Variants in SLCO1B3 observed in about 807,000 individuals in gnomAD.
The protein encoded by SLCO1B3 is liver-specific organic anion transporter 2.
A neutral mutation model predicts 71.8 loss-of-function variants in SLCO1B3; 72 were observed. That is an observed-to-expected ratio of 1.00 (90% CI 0.83 to 1.22). The LOEUF is 1.22. Among genes scored for constraint, SLCO1B3 ranks in the 50% most tolerant of loss-of-function variants. The pLI is 0.00. For synonymous variants in SLCO1B3, 298 were observed against 278.4 expected, an observed-to-expected ratio of 1.07 and a Z score of -0.70; for missense variants, 911 against 819.7, an observed-to-expected ratio of 1.11 and a Z score of -1.36.
At chr12:20,851,267 C>G (rs1865021824) in intron 3 of SLCO1B3, among the ~76,000 whole-genome samples, 1 of 152,104 alleles carries the variant, frequency 6.6e-6, no homozygotes, top group South Asian at 2.1e-4. Flanking sequence ...ATGATGGCAG[C>G]ACTATTTTAC....
intron 14 of SLCO1B3, among the ~76,000 whole-genome samples, chr12:20,900,648 A>G (rs182531935): frequency 2.1e-3 from 324 of 152,296 alleles, no homozygotes; most frequent in Middle Eastern, 6.8e-3. Context: ...AAATTTAGCA[A>G]CGGAGACCCT....
chr12:20,862,132 T>A (rs536563644), intron 6 of SLCO1B3, among the ~76,000 whole-genome samples: 10 of 152,250 alleles, frequency 6.6e-5, no homozygotes, highest in African/African-American at 1.9e-4. Flanking sequence ...AAATATGTAA[T>A]GTACATAAGG....
At chr12:20,845,071 T>C in intron 3 of SLCO1B3, 1 of 377,630 alleles carries the variant, frequency 2.6e-6, no homozygotes, top group Admixed American at 3.0e-5. Flanking sequence ...CCCTCTAAGT[T>C]TCAGAGATGG....
chr12:20,911,648 T>A (rs1866378904), intron 15 of SLCO1B3, among the ~76,000 whole-genome samples: 1 of 152,220 alleles, frequency 6.6e-6, no homozygotes, highest in Non-Finnish European at 1.5e-5. Context: ...CTGTTTCTTC[T>A]TGTGTGAATT....
chr12:20,916,303 C>G lies in SLCO1B3; in HGVS notation c.*56C>G. 2 of 1,520,142 alleles carry G rather than the reference C, an allele frequency of 1.3e-6. No homozygotes were observed. The highest frequency in any genetic ancestry group is 1.8e-5 in the Admixed American group (1 of 55,472). The allele number at this position is 1,520,142 out of a possible 1,614,324, so 94.2% of individuals were successfully genotyped here. On this transcript the variant is annotated 3_prime_UTR_variant, in exon 16 of 16. Transcript: ENST00000381545. ...TGAGGTGTTCCTGGTCTTTCACTGA[C>G]AATTCCAACATTCTTTACTTACAGT...
chr12:20,881,060 A>G, intron 12 of SLCO1B3, 40 bp downstream of exon 12: 4 of 1,400,222 alleles, frequency 2.9e-6, no homozygotes, highest in South Asian at 2.6e-5. Context: ...TCCTTAATCA[A>G]AATCACAGAT....
Position 20,883,581 on chromosome 12 carries a change from C to T in SLCO1B3, c.1661C>T (p.Thr554Ile), listed in dbSNP as rs1441856659. 6.3e-7 allele frequency: 1 copy of T among 1,591,736 alleles called. No homozygotes were observed. The highest frequency in any genetic ancestry group is 1.8e-5 in the Admixed American group (1 of 55,316). ...TTGTTCTCTGCAACAGGAGGTACCA[C>T]ATTTATCTTGTTGACTGTGAAGTAA... ...NSLFSATGGT[T>I]FILLTVKIVQ... Residue 554 changes from threonine to isoleucine, a missense_variant, in exon 13 of 16, where the codon ACA (threonine) becomes ATA (isoleucine). Coordinates refer to ENST00000381545, the MANE Select transcript of SLCO1B3 (RefSeq NM_019844.4).
chr12:20,901,150 A>G (rs938660679), intron 14 of SLCO1B3, among the ~76,000 whole-genome samples, 200 bp from the exon 15 acceptor site: 1 of 152,198 alleles, frequency 6.6e-6, no homozygotes, highest in African/African-American at 2.4e-5. Context: ...TAGATCAAAT[A>G]CATCTGTGAC....
At chr12:20,812,369 G>A (rs950723612) in intron 1 of SLCO1B3, among the ~76,000 whole-genome samples, 2 of 147,140 alleles carry the variant, frequency 1.4e-5, no homozygotes, top group East Asian at 2.0e-4. Flanking sequence ...ATTCGGGTAT[G>A]TTCTCCAGTG....
intron 4 of SLCO1B3, among the ~76,000 whole-genome samples, chr12:20,856,741 A>G (rs1865147889): frequency 6.6e-6 from 1 of 152,068 alleles, no homozygotes; most frequent in South Asian, 2.1e-4. Context: ...CGTATTTTTA[A>G]GTGGAGACAG....
chr12:20,813,594 G>C lies in SLCO1B3; in HGVS notation c.-110G>C, dbSNP rs1864142657. Reference sequence around the variant, plus strand: ...CATAGCCCTGAAGTGTTGTCCCGTTGTTCCCACCTCCTAGAGGGCCTGACA... The same window carrying C: ...CATAGCCCTGAAGTGTTGTCCCGTTCTTCCCACCTCCTAGAGGGCCTGACA... On this transcript the variant is annotated 5_prime_UTR_variant, in exon 2 of 16. Coordinates refer to ENST00000381545, the MANE Select transcript of SLCO1B3 (RefSeq NM_019844.4). The C allele has an allele frequency of 6.6e-6, 1 of 152,114 alleles. No individual in the cohort carries two copies. The highest frequency in any genetic ancestry group is 6.5e-5 in the Admixed American group (1 of 15,268). The allele number at this position is 152,114 out of a possible 1,614,324, so 9.4% of individuals were successfully genotyped here. A position where few individuals can be genotyped will look rare whatever the true frequency, so the allele number is the denominator to read the frequency against.
intron 8 of SLCO1B3, among the ~76,000 whole-genome samples, chr12:20,865,921 T>G (rs7309891): frequency 6.6e-6 from 1 of 151,864 alleles, no homozygotes; most frequent in East Asian, 1.9e-4. Context: ...AATTCTGTAA[T>G]CATCTCCTGT....
chr12:20,908,958 G>T (rs1240247513), intron 15 of SLCO1B3, among the ~76,000 whole-genome samples: 1 of 152,090 alleles, frequency 6.6e-6, no homozygotes, highest in Non-Finnish European at 1.5e-5. Flanking sequence ...ATAAGAAATT[G>T]TCAGACTGGC....
At chr12:20,860,296 CT>C (rs1223609727) in intron 5 of SLCO1B3, among the ~76,000 whole-genome samples, 1 of 152,052 alleles carries the variant, frequency 6.6e-6, no homozygotes, top group African/African-American at 2.4e-5. Flanking sequence ...AACCCAGGAC[CT>C]TGTATATTAA....
chr12:20,898,557 A>G, intron 14 of SLCO1B3, 57 bp downstream of exon 14: 1 of 769,768 alleles, frequency 1.3e-6, no homozygotes, highest in Non-Finnish European at 2.1e-6. Flanking sequence ...GTTAAATACT[A>G]AAGACTGAAT....
intron 3 of SLCO1B3, among the ~76,000 whole-genome samples, chr12:20,847,862 G>A (rs1290427594): frequency 6.6e-6 from 1 of 151,972 alleles, no homozygotes; most frequent in African/African-American, 2.4e-5. Context: ...CCACAAATTT[G>A]ATGAAAGACA....
chr12:20,828,974 C>T (rs1864485024), intron 3 of SLCO1B3, among the ~76,000 whole-genome samples: 1 of 125,162 alleles, frequency 8.0e-6, no homozygotes, highest in African/African-American at 2.9e-5. Context: ...TAATTTTTTC[C>T]TTTTGCTGGT....
At chr12:20,869,851 G>C (rs2121277201) in intron 8 of SLCO1B3, among the ~76,000 whole-genome samples, 1 of 152,206 alleles carries the variant, frequency 6.6e-6, no homozygotes. Flanking sequence ...TATACACCTA[G>C]AAGTGAGATT....
chr12:20,879,343 T>G, intron 10 of SLCO1B3, 93 bp from the exon 11 acceptor site: 1 of 876,366 alleles, frequency 1.1e-6, no homozygotes. Context: ...AATGGGTGAA[T>G]TTGGTTGATA....
Sources: gnomAD v4.1 joint callset for allele counts (sites outside exome capture counted in the v4.1 genomes callset) on GRCh38, gnomAD v4.1.1 for gene constraint, MANE v1.5 for transcripts, NCBI Gene and HGNC (gene_info 2026-07-23, HGNC 2026-07-21) for gene names.